The following MTG1 variants were observed in gnomAD, a reference collection of about 807,000 sequenced individuals.
MTG1 encodes the protein mitochondrial ribosome associated GTPase 1, also known as mitochondrial ribosome-associated GTPase 1.
MTG1 carries 30 observed loss-of-function variants against 39.5 expected under a neutral mutation model. The ratio of observed to expected loss-of-function variants is 0.76; its 90% confidence interval spans 0.57 to 1.03. MTG1 has a LOEUF of 1.03. MTG1 is among the 50% of genes least tolerant of loss of function. The pLI, the probability that MTG1 is intolerant of heterozygous loss-of-function variation, is 0.00. For missense variants in MTG1, 513 were observed against 447.4 expected (o/e 1.15, Z -1.32); for synonymous variants, 217 against 179.0 (o/e 1.21, Z -1.69).
chr10:133,396,695 G>T (rs954884497), intron 3 of MTG1, among the ~76,000 whole-genome samples: 7 of 152,114 alleles, frequency 4.6e-5, no homozygotes, highest in African/African-American at 1.7e-4. Context: ...TCATTAGTTT[G>T]TAGCAATTAC....
chr10:133,418,482 CCT>C (rs1237250966), intron 9 of MTG1, among the ~76,000 whole-genome samples: 1 of 151,826 alleles, frequency 6.6e-6, no homozygotes, highest in East Asian at 1.9e-4. Context: ...CAGGCTTGCT[CCT>C]CTCTCCTGGG....
At chr10:133,399,959 G>A (rs991990142) in intron 6 of MTG1, among the ~76,000 whole-genome samples, 2 of 152,210 alleles carry the variant, frequency 1.3e-5, no homozygotes, top group African/African-American at 2.4e-5. Flanking sequence ...TTGAGAGGCC[G>A]AGGCGGGCGG....
rs893572375 is a variant in MTG1 at position 133,399,609 on chromosome 10, C to T, written c.501C>T (p.His167=). The change falls in exon 6 of 11, where the codon CAC becomes CAT. Residue 167 remains histidine (H), a synonymous_variant. Coordinates refer to ENST00000317502, the MANE Select transcript of MTG1 (RefSeq NM_138384.4). ...SSLINSLRRQ[H]LRKGKATRVG... is the part of the protein sequence containing the mutation. Reference sequence around the variant, plus strand: ...TCATCAACTCCCTCCGGAGGCAGCACCTCAGGAAAGGTACTGGCGCGTGCG... The same window carrying T: ...TCATCAACTCCCTCCGGAGGCAGCATCTCAGGAAAGGTACTGGCGCGTGCG... 1.2e-6 allele frequency: 2 copies of T among 1,613,456 alleles called. No homozygotes were observed. The highest frequency in any genetic ancestry group is 1.3e-5 in the African/African-American group (1 of 74,910).
intron 9 of MTG1, among the ~76,000 whole-genome samples, chr10:133,405,937 C>G (rs1361006371): frequency 1.3e-5 from 2 of 152,244 alleles, no homozygotes; most frequent in Admixed American, 1.3e-4. Context: ...GCTGTACTAA[C>G]TTACATTCCC....
chr10:133,416,289 A>G (rs1436107075), intron 9 of MTG1, among the ~76,000 whole-genome samples: 2 of 151,710 alleles, frequency 1.3e-5, no homozygotes, highest in African/African-American at 4.8e-5. Context: ...TAATTCTAAC[A>G]TTGGGTCAGT....
chr10:133,402,407 T>G lies in MTG1; in HGVS notation c.670+162T>G. 2 of 807,456 alleles carry G rather than the reference T, an allele frequency of 2.5e-6. No homozygotes were observed. The highest frequency in any genetic ancestry group is 4.0e-6 in the Non-Finnish European group (2 of 499,070). 50.0% of individuals were successfully genotyped at this position (807,456 alleles called of 1,614,324 possible). A position where few individuals can be genotyped will look rare whatever the true frequency, so the allele number is the denominator to read the frequency against. On this transcript the variant is annotated intron_variant, in intron 8 of 10. Coordinates refer to ENST00000317502, the MANE Select transcript of MTG1 (RefSeq NM_138384.4). This position sits in a 1 kb window ranked among gnomAD's most constrained non-coding sequence, Gnocchi z 4.7. Reference sequence around the variant, plus strand: ...AAGCTTAGTGTGAGAGCTGTAATAGTGCACAGCTGACAGGCACTGGTCACC... The same window carrying G: ...AAGCTTAGTGTGAGAGCTGTAATAGGGCACAGCTGACAGGCACTGGTCACC...
intron 9 of MTG1, among the ~76,000 whole-genome samples, chr10:133,418,782 T>C (rs1850175620): frequency 6.6e-6 from 1 of 152,090 alleles, no homozygotes; most frequent in Admixed American, 6.5e-5. Context: ...GGGAGAGTGT[T>C]GGGTCTGGGT....
At chr10:133,394,554 C>A in intron 1 of MTG1, 2 of 1,338,406 alleles carry the variant, frequency 1.5e-6, no homozygotes, top group Non-Finnish European at 1.9e-6. Context: ...GCGAGTGCCC[C>A]CGCGGCGCAG....
chr10:133,419,150 C>T (rs2297031), intron 9 of MTG1, among the ~76,000 whole-genome samples: 29,997 of 152,220 alleles, frequency 0.2, 3,390 homozygotes, highest in East Asian at 0.34. Context: ...TGTCCTACCC[C>T]GGATAGAGTG....
At chr10:133,417,829 A>T (rs1850155228) in intron 9 of MTG1, among the ~76,000 whole-genome samples, 1 of 152,224 alleles carries the variant, frequency 6.6e-6, no homozygotes. Context: ...GACGTGAAGG[A>T]CCTCTTCAAG....
At chr10:133,407,742 A>C (rs1849988868) in intron 9 of MTG1, among the ~76,000 whole-genome samples, 1 of 150,742 alleles carries the variant, frequency 6.6e-6, no homozygotes, top group Non-Finnish European at 1.5e-5. Context: ...CTCATTTTTT[A>C]TAATTTTAGT....
Position 133,394,336 on chromosome 10 carries a change from A to T in MTG1, c.112+4A>T. Reference sequence around the variant, plus strand: ...TTCCCGGGCCACATGGCCAAGGGTGAGGCACGGCGGGGAGGGGCAAGGTCA... The same window carrying T: ...TTCCCGGGCCACATGGCCAAGGGTGTGGCACGGCGGGGAGGGGCAAGGTCA... On this transcript the variant is annotated splice_donor_region_variant and intron_variant, in intron 1 of 10. Coordinates refer to ENST00000317502, the MANE Select transcript of MTG1 (RefSeq NM_138384.4). 6.7e-7 allele frequency: 1 copy of T among 1,494,422 alleles called. No homozygotes were observed. Among genetic ancestry groups the T allele is most frequent in the Non-Finnish European group, 8.9e-7 (1 of 1,126,090 alleles). 92.6% of individuals were successfully genotyped at this position (1,494,422 alleles called of 1,614,324 possible). A position where few individuals can be genotyped will look rare whatever the true frequency, so the allele number is the denominator to read the frequency against.
intron 9 of MTG1, among the ~76,000 whole-genome samples, chr10:133,415,958 A>AGG (rs1850120433): frequency 6.8e-6 from 1 of 147,836 alleles, no homozygotes; most frequent in African/African-American, 2.5e-5. Flanking sequence ...GTTATCAGGC[A>AGG]CGCGGGTGTC....
Position 133,394,413 on chromosome 10 carries a change from G to T in MTG1, c.112+81G>T, listed in dbSNP as rs1849748918. 6 of 1,347,036 alleles carry T rather than the reference G, an allele frequency of 4.5e-6. No individual in the cohort carries two copies. The East Asian group carries it at 1.9e-4, about 42-fold the overall frequency. 83.4% of individuals were successfully genotyped at this position (1,347,036 alleles called of 1,614,324 possible). On this transcript the variant is annotated intron_variant, in intron 1 of 10. Transcript: ENST00000317502. ...CCCTCCCACCCCGGTTTCGGCCGTCGCCTGCTTCTCCCGGTCGTTCTGGGC... is the reference window on the plus strand; with the variant it reads ...CCCTCCCACCCCGGTTTCGGCCGTCTCCTGCTTCTCCCGGTCGTTCTGGGC...
intron 9 of MTG1, among the ~76,000 whole-genome samples, chr10:133,410,999 A>G (rs997758556): frequency 1.3e-5 from 2 of 152,214 alleles, no homozygotes; most frequent in African/African-American, 2.4e-5. Flanking sequence ...AGAGATGTGA[A>G]TGAATGCACA....
intron 9 of MTG1, among the ~76,000 whole-genome samples, chr10:133,407,390 T>G (rs1849983654): frequency 6.6e-6 from 1 of 152,186 alleles, no homozygotes; most frequent in Non-Finnish European, 1.5e-5. Context: ...GTGGTGACAT[T>G]TTAACAGTAT....
intron 10 of MTG1, 149 bp from the exon 11 acceptor site, chr10:133,419,877 C>G: frequency 1.0e-6 from 1 of 1,001,608 alleles, no homozygotes; most frequent in East Asian, 2.5e-5. Flanking sequence ...CAGCGTAGCT[C>G]AAGCTGTTTT....
intron 1 of MTG1, chr10:133,394,656 C>G (rs1435928415): frequency 1.7e-6 from 2 of 1,183,124 alleles, no homozygotes; most frequent in Non-Finnish European, 2.1e-6. Flanking sequence ...TTTAATCCCC[C>G]GAAGCCTCCG....
At chr10:133,405,570 A>G (rs772437471) in intron 9 of MTG1, among the ~76,000 whole-genome samples, 3 of 152,154 alleles carry the variant, frequency 2.0e-5, no homozygotes, top group Non-Finnish European at 1.5e-5. Flanking sequence ...TAGCTCCCAC[A>G]TTTGAGTTAG....
Sources: gnomAD v4.1 joint callset for allele counts (sites outside exome capture counted in the v4.1 genomes callset) on GRCh38, gnomAD v4.1.1 for gene constraint, Gnocchi (gnomAD v3.1) non-coding constraint, MANE v1.5 for transcripts, NCBI Gene and HGNC (gene_info 2026-07-23, HGNC 2026-07-21) for gene names.